SLCO3A1: variants seen among roughly 807,000 people sequenced by gnomAD.
SLCO3A1 encodes the protein PGE1 transporter.
A neutral mutation model predicts 63.1 loss-of-function variants in SLCO3A1; 27 were observed. That is an observed-to-expected ratio of 0.43 (90% confidence interval 0.32 to 0.59). The LOEUF (loss-of-function observed/expected upper bound fraction) is 0.59, where lower values mean the gene tolerates loss of function less well. SLCO3A1 is among the 20% of genes least tolerant of loss of function. The pLI is 0.09. For missense variants in SLCO3A1, 773 were observed against 945.8 expected (o/e 0.82, Z 2.40); for synonymous variants, 473 against 409.9 (o/e 1.15, Z -1.86).
chr15:92,016,884 A>T (rs1468595266), intron 2 of SLCO3A1, among the ~76,000 whole-genome samples: 1 of 152,218 alleles, frequency 6.6e-6, no homozygotes, highest in Non-Finnish European at 1.5e-5. Context: ...AAAGTGAGTT[A>T]TGTGGGATTA....
At chr15:92,064,809 A>G (rs1357755978) in intron 2 of SLCO3A1, among the ~76,000 whole-genome samples, 2 of 152,208 alleles carry the variant, frequency 1.3e-5, no homozygotes, top group African/African-American at 2.4e-5. Context: ...TGTAGGAGCT[A>G]AAAACACTGA....
At chr15:91,922,921 A>G (rs1898897220) in intron 2 of SLCO3A1, among the ~76,000 whole-genome samples, 1 of 152,000 alleles carries the variant, frequency 6.6e-6, no homozygotes, top group African/African-American at 2.4e-5. Context: ...GTGCTTCCAT[A>G]TTGCCTGGGC....
At chr15:91,874,074 A>G (rs1027304635) in intron 1 of SLCO3A1, among the ~76,000 whole-genome samples, 13 of 152,186 alleles carry the variant, frequency 8.5e-5, no homozygotes, top group Non-Finnish European at 1.5e-4. Context: ...ACTAAATGCT[A>G]TATATGATAT....
At chr15:92,123,211 G>C (rs1007677337) in intron 5 of SLCO3A1, among the ~76,000 whole-genome samples, 5 of 152,112 alleles carry the variant, frequency 3.3e-5, no homozygotes, top group Non-Finnish European at 5.9e-5. Flanking sequence ...GATCACCTGA[G>C]GTCAAGAGTT....
chr15:92,119,578 C>T (rs553837353), intron 4 of SLCO3A1, among the ~76,000 whole-genome samples: 3 of 152,118 alleles, frequency 2.0e-5, no homozygotes, highest in Admixed American at 6.5e-5. Context: ...TAGGGAAGAC[C>T]CCCAAGGACA....
At chr15:92,135,890 AG>A (rs1180234887) in intron 7 of SLCO3A1, among the ~76,000 whole-genome samples, 1 of 152,178 alleles carries the variant, frequency 6.6e-6, no homozygotes, top group Non-Finnish European at 1.5e-5. Context: ...TGCCAGAGCC[AG>A]GCATGGTGGC....
chr15:91,925,636 G>C (rs1898987191), intron 2 of SLCO3A1, among the ~76,000 whole-genome samples: 1 of 152,160 alleles, frequency 6.6e-6, no homozygotes, highest in Non-Finnish European at 1.5e-5. Flanking sequence ...GGGCCAATCA[G>C]AGTCCACTGT....
At chr15:92,012,513 G>T (rs1054590289) in intron 2 of SLCO3A1, among the ~76,000 whole-genome samples, 7 of 152,172 alleles carry the variant, frequency 4.6e-5, no homozygotes, top group Non-Finnish European at 1.0e-4. Context: ...TGTTGGCCTT[G>T]TGGAAAGTGT....
At chr15:92,159,454 C>A (rs955776306) in intron 9 of SLCO3A1, among the ~76,000 whole-genome samples, 1 of 151,336 alleles carries the variant, frequency 6.6e-6, no homozygotes, top group East Asian at 1.9e-4. Flanking sequence ...CACTGCACTC[C>A]AGCCTGGCCA....
chr15:91,952,807 C>T (rs1474702082), intron 2 of SLCO3A1, among the ~76,000 whole-genome samples: 2 of 152,308 alleles, frequency 1.3e-5, no homozygotes, highest in East Asian at 3.9e-4. Context: ...CGTACATTTC[C>T]TCCTGCCCCT....
chr15:91,935,201 C>T (rs1899368263), intron 2 of SLCO3A1, among the ~76,000 whole-genome samples: 1 of 152,180 alleles, frequency 6.6e-6, no homozygotes, highest in Non-Finnish European at 1.5e-5. Context: ...ATCTGCCCGC[C>T]TCGGCCTCCC....
chr15:92,152,279 A>C (rs1256772577), intron 9 of SLCO3A1, among the ~76,000 whole-genome samples: 2 of 152,222 alleles, frequency 1.3e-5, no homozygotes, highest in Non-Finnish European at 2.9e-5. Context: ...GCAAATACAT[A>C]GCATATGTCT....
At position 92,016,248 on chromosome 15, in the gene SLCO3A1, G is replaced by GAT. The variant is rs1293184919; in HGVS notation, c.647-78631_647-78630dup. Among the ~76,000 whole-genome samples the GAT allele has an allele frequency of 7.2e-3, 404 of 56,212 alleles. 7 individuals carry two copies. The highest frequency in any genetic ancestry group is 0.043 in the African/African-American group (393 of 9,104). The allele number at this position is 56,212 out of a possible 152,430, so 36.9% of individuals were successfully genotyped here. On this transcript the variant is annotated intron_variant, in intron 2 of 9. Transcript: ENST00000318445. ...AGATAGATAGATAGATAGATAGATA[G>GAT]ATAGATTAGATAGATAGATAGATAG... is the stretch of plus-strand genomic sequence containing the variant.
intron 2 of SLCO3A1, among the ~76,000 whole-genome samples, chr15:92,016,254 T>TGATAGATAGATTGATTGATTAGA: frequency 1.0e-4 from 10 of 95,708 alleles, no homozygotes; most frequent in African/African-American, 3.1e-4. Context: ...GATAGATAGA[T>TGATAGATAGATTGATTGATTAGA]TAGATAGATA....
intron 7 of SLCO3A1, among the ~76,000 whole-genome samples, chr15:92,131,060 C>T (rs913669652): frequency 6.6e-6 from 1 of 152,054 alleles, no homozygotes; most frequent in African/African-American, 2.4e-5. Flanking sequence ...TCTCATTGAT[C>T]CTCCCAGCAC....
At position 92,027,737 on chromosome 15, in the gene SLCO3A1, C is replaced by T. The variant is rs1333806594; in HGVS notation, c.647-67144C>T. Among the ~76,000 whole-genome samples the T allele has an allele frequency of 2.0e-5, 3 of 152,328 alleles. No individual in the cohort carries two copies. In the East Asian group the frequency reaches 5.8e-4, roughly 29 times the overall value. On this transcript the variant is annotated intron_variant, in intron 2 of 9. Coordinates refer to ENST00000318445, the MANE Select transcript of SLCO3A1 (RefSeq NM_013272.4). ...TAACGAAAACACAAAGACACACTTA[C>T]CACATAAACGAAGCAGTTTGCACAG... is the stretch of plus-strand genomic sequence containing the variant.
Position 91,897,366 on chromosome 15 carries a change from G to C in SLCO3A1, c.181-18627G>C, listed in dbSNP as rs1448588861. ...CTCAGGAGGCTGAGGCACGAGAATT[G>C]CTTGAACCCAGGAGGCAGAGGTTGC... On this transcript the variant is annotated intron_variant, in intron 1 of 9. Transcript: ENST00000318445. The surrounding 1 kb of genome is among the most constrained non-coding windows in gnomAD (Gnocchi z 4.7). Among the ~76,000 whole-genome samples the C allele has an allele frequency of 1.3e-5, 2 of 152,054 alleles. No individual in the cohort carries two copies. Among genetic ancestry groups the C allele is most frequent in the Non-Finnish European group, 2.9e-5 (2 of 68,020 alleles).
intron 2 of SLCO3A1, among the ~76,000 whole-genome samples, chr15:91,937,152 T>C (rs1341074647): frequency 6.6e-6 from 1 of 152,182 alleles, no homozygotes; most frequent in Admixed American, 6.5e-5. Flanking sequence ...CAGCTGACGA[T>C]GTAAAAGGAA....
downstream of SLCO3A1, among the ~76,000 whole-genome samples, chr15:92,168,255 C>T (rs531513472): frequency 7.6e-4 from 115 of 152,268 alleles, no homozygotes; most frequent in Middle Eastern, 3.4e-3. Flanking sequence ...GGCCTAGAAA[C>T]TAAGAACTAA....
Sources: gnomAD v4.1 joint callset for allele counts (sites outside exome capture counted in the v4.1 genomes callset) on GRCh38, gnomAD v4.1.1 for gene constraint, Gnocchi (gnomAD v3.1) non-coding constraint, MANE v1.5 for transcripts, NCBI Gene and HGNC (gene_info 2026-07-23, HGNC 2026-07-21) for gene names.